Variants in SORCS1 observed in about 807,000 individuals in gnomAD.
The protein encoded by SORCS1 is sortilin related VPS10 domain containing receptor 1.
Under a neutral mutation model 146.1 loss-of-function variants are expected in SORCS1, and 60 were observed. The observed-to-expected ratio is 0.41, with a 90% CI of 0.33 to 0.51. The LOEUF is 0.51. SORCS1 is among the 20% of genes least tolerant of loss of function. The pLI, the probability that SORCS1 is intolerant of heterozygous loss-of-function variation, is 0.21. For synonymous variants in SORCS1, 637 were observed against 584.0 expected (o/e 1.09, Z -1.31); for missense variants, 1,352 against 1,487.6 (o/e 0.91, Z 1.50).
chr10:107,152,499 G>A (rs1007235437), intron 1 of SORCS1, among the ~76,000 whole-genome samples: 3 of 152,116 alleles, frequency 2.0e-5, no homozygotes, highest in African/African-American at 7.2e-5. Flanking sequence ...GCCTGGATGG[G>A]GACCCCACAC....
At chr10:106,750,272 A>G (rs1312928277) in intron 5 of SORCS1, among the ~76,000 whole-genome samples, 2 of 152,172 alleles carry the variant, frequency 1.3e-5, no homozygotes, top group Non-Finnish European at 2.9e-5. Context: ...AAAGATAGAG[A>G]AGCTGCAGCC....
rs1052457874 is a variant in SORCS1 at position 107,158,309 on chromosome 10, C to G, written c.558+5660G>C. Reference sequence around the variant, plus strand: ...CTTAACTCATATTTTTCAATCATTCCTAAGGTTAAAACTTTCGTTAAACAT... The same window carrying G: ...CTTAACTCATATTTTTCAATCATTCGTAAGGTTAAAACTTTCGTTAAACAT... On this transcript the variant is annotated intron_variant, in intron 1 of 25. Coordinates refer to ENST00000263054, the MANE Select transcript of SORCS1 (RefSeq NM_052918.5). Among the ~76,000 whole-genome samples, 8 of 152,128 alleles carry G rather than the reference C, an allele frequency of 5.3e-5. No individual in the cohort carries two copies. The East Asian group carries it at 1.5e-3, about 29-fold the overall frequency.
chr10:106,736,147 C>T (rs1286068206), intron 5 of SORCS1, among the ~76,000 whole-genome samples: 1 of 152,198 alleles, frequency 6.6e-6, no homozygotes, highest in East Asian at 1.9e-4. Context: ...ACATTTTCTA[C>T]AGAGAAACTC....
At chr10:106,587,951 C>G (rs115175556) in intron 24 of SORCS1, among the ~76,000 whole-genome samples, 2,312 of 152,248 alleles carry the variant, frequency 0.015, 62 homozygotes, top group African/African-American at 0.053. Context: ...GAACTCCAGA[C>G]GAACAGCGAC....
intron 1 of SORCS1, among the ~76,000 whole-genome samples, chr10:107,021,551 G>A (rs1272005826): frequency 3.1e-5 from 4 of 130,714 alleles, no homozygotes; most frequent in Admixed American, 1.6e-4. Context: ...AAAAGAATAC[G>A]CATATTTATC....
At chr10:107,071,915 AG>A (rs1962458538) in intron 1 of SORCS1, among the ~76,000 whole-genome samples, 1 of 152,238 alleles carries the variant, frequency 6.6e-6, no homozygotes, top group Admixed American at 6.5e-5. Context: ...AAATGGAAAC[AG>A]GTTGGCAATA....
At chr10:106,674,943 C>A in intron 14 of SORCS1, 106 bp downstream of exon 14, 1 of 832,530 alleles carries the variant, frequency 1.2e-6, no homozygotes, top group Non-Finnish European at 1.9e-6. Context: ...TAAGATGCAA[C>A]AACCTTGAAC....
At chr10:106,948,351 G>A (rs892095083) in intron 2 of SORCS1, among the ~76,000 whole-genome samples, 12 of 151,778 alleles carry the variant, frequency 7.9e-5, no homozygotes, top group Non-Finnish European at 1.8e-4. Flanking sequence ...TTACTTTTGT[G>A]ATTTTTTTTA....
In SORCS1 at chr10:106,852,429, A is replaced by C. The variant is rs546349545; in HGVS notation, c.627-22756T>G. The stretch of plus-strand genomic sequence containing the variant: ...CGCATCACAAGGTCAAGAGATCAAG[A>C]CCATCCTGGCCAACATGGTGAAACC... On this transcript the variant is annotated intron_variant, in intron 2 of 25. Coordinates refer to ENST00000263054, the MANE Select transcript of SORCS1 (RefSeq NM_052918.5). 4.6e-5 allele frequency among the ~76,000 whole-genome samples: 7 copies of C among 152,204 alleles called. No homozygotes were observed. The South Asian group carries it at 1.2e-3, about 27-fold the overall frequency.
At chr10:106,577,870 G>A in intron 25 of SORCS1, 1 of 238,664 alleles carries the variant, frequency 4.2e-6, no homozygotes. Flanking sequence ...AAAAGAAAGT[G>A]CACTGTGAAA....
chr10:106,954,852 T>A (rs192967796), intron 2 of SORCS1, among the ~76,000 whole-genome samples: 1 of 152,330 alleles, frequency 6.6e-6, no homozygotes. Flanking sequence ...ACTACCCACT[T>A]TGGGTCTCCT....
At chr10:107,068,605 G>A (rs973410911) in intron 1 of SORCS1, among the ~76,000 whole-genome samples, 3 of 152,148 alleles carry the variant, frequency 2.0e-5, no homozygotes, top group Non-Finnish European at 2.9e-5. Flanking sequence ...GGTGGCTCAC[G>A]CCTGTAATCC....
chr10:106,850,969 T>C (rs1564734066), intron 2 of SORCS1, among the ~76,000 whole-genome samples: 1 of 152,190 alleles, frequency 6.6e-6, no homozygotes, highest in Non-Finnish European at 1.5e-5. Flanking sequence ...TTTTTGTTCC[T>C]GTCCCTCATC....
chr10:106,721,759 T>C (rs1564897050), intron 6 of SORCS1, among the ~76,000 whole-genome samples: 1 of 152,218 alleles, frequency 6.6e-6, no homozygotes, highest in Non-Finnish European at 1.5e-5. Context: ...TCCGTAGTGT[T>C]TGCTGCTTAC....
intron 1 of SORCS1, among the ~76,000 whole-genome samples, chr10:107,086,110 T>C (rs1007470602): frequency 1.3e-5 from 2 of 152,200 alleles, no homozygotes; most frequent in Non-Finnish European, 1.5e-5. Flanking sequence ...ATCTGTGTAA[T>C]CTCGTCTAAG....
At chr10:107,042,840 C>G (rs574262451) in intron 1 of SORCS1, among the ~76,000 whole-genome samples, 1 of 152,118 alleles carries the variant, frequency 6.6e-6, no homozygotes, top group African/African-American at 2.4e-5. Context: ...GAACCCCTGA[C>G]CTTAAATGAT....
intron 2 of SORCS1, among the ~76,000 whole-genome samples, chr10:106,830,050 G>A (rs1484933722): frequency 2.6e-5 from 4 of 152,170 alleles, no homozygotes; most frequent in South Asian, 4.1e-4. Flanking sequence ...AGAAAAGCAG[G>A]TTCTCCTGAT....
At chr10:106,911,061 G>A (rs1255125845) in intron 2 of SORCS1, among the ~76,000 whole-genome samples, 3 of 152,154 alleles carry the variant, frequency 2.0e-5, no homozygotes, top group Admixed American at 2.0e-4. Context: ...AACTCTCTAA[G>A]CTCCAGGTGC....
At chr10:107,111,866 G>T (rs1290173534) in intron 1 of SORCS1, among the ~76,000 whole-genome samples, 1 of 152,118 alleles carries the variant, frequency 6.6e-6, no homozygotes, top group Non-Finnish European at 1.5e-5. Context: ...TCTGCATAAG[G>T]TTAACAGCAG....
Sources: allele counts gnomAD v4.1 joint callset (sites outside exome capture counted in the v4.1 genomes callset), GRCh38; gene constraint gnomAD v4.1.1; transcripts MANE v1.5; gene names NCBI Gene and HGNC (gene_info 2026-07-23, HGNC 2026-07-21).